Variants in KIAA1328 observed in about 807,000 individuals in gnomAD.
KIAA1328 encodes KIAA1328.
Under a neutral mutation model 68.1 loss-of-function variants are expected in KIAA1328, and 52 were observed. That is an observed-to-expected ratio of 0.76 (90% CI 0.61 to 0.96). KIAA1328 has a LOEUF of 0.96. Ranked by LOEUF, KIAA1328 falls within the 40% of genes least tolerant of loss-of-function variation. KIAA1328 has a pLI of 0.00. For synonymous variants in KIAA1328, 232 were observed against 239.4 expected (o/e 0.97, Z 0.28); for missense variants, 641 against 677.6 (o/e 0.95, Z 0.60).
intron 7 of KIAA1328, among the ~76,000 whole-genome samples, chr18:37,132,204 T>C (rs1297794125): frequency 6.6e-6 from 1 of 152,218 alleles, no homozygotes; most frequent in Non-Finnish European, 1.5e-5. Context: ...TATATACTCA[T>C]GGTCATATTG....
rs552241871 is a variant in KIAA1328 at position 37,042,680 on chromosome 18, C to A, written c.577-24210C>A. 5.3e-5 allele frequency among the ~76,000 whole-genome samples: 8 copies of A among 152,210 alleles called. No individual in the cohort carries two copies. In the East Asian group the frequency reaches 1.5e-3, roughly 29 times the overall value. On this transcript the variant is annotated intron_variant, in intron 6 of 9. Transcript: ENST00000280020. ...TTTGGAGAATTTCTCATTGTCTTAG[C>A]TTTAGATAGTTTGACCAGGACTTAT...
chr18:36,914,592 T>G lies in KIAA1328; in HGVS notation c.448+28920T>G, dbSNP rs957340731. 1.3e-4 allele frequency among the ~76,000 whole-genome samples: 20 copies of G among 151,188 alleles called. No individual in the cohort carries two copies. In the East Asian group the frequency reaches 2.7e-3, roughly 21 times the overall value. On this transcript the variant is annotated intron_variant, in intron 5 of 9. Transcript: ENST00000280020. ...AACATTAGCCAGGCGCAGTGGCGGG[T>G]GCCTGTAATCCCAGCTACTTGGGAG...
chr18:37,118,848 C>T lies in KIAA1328; in HGVS notation c.1233-41352C>T, dbSNP rs576977507. 1.1e-4 allele frequency among the ~76,000 whole-genome samples: 16 copies of T among 152,238 alleles called. No individual in the cohort carries two copies. The South Asian group carries it at 1.9e-3, about 18-fold the overall frequency. On this transcript the variant is annotated intron_variant, in intron 7 of 9. Transcript: ENST00000280020. ...TTCTTGGGCCTGTGAACCTTAACTA[C>T]GGAGGAAACAGCACCATATATTAGA...
chr18:37,139,057 C>T (rs958988793), intron 7 of KIAA1328, among the ~76,000 whole-genome samples: 23 of 147,506 alleles, frequency 1.6e-4, no homozygotes, highest in Non-Finnish European at 2.4e-4. Context: ...CCCGGGTTCA[C>T]GCCATTCTCC....
At chr18:37,003,497 AC>A (rs1353589232) in intron 6 of KIAA1328, among the ~76,000 whole-genome samples, 2 of 152,044 alleles carry the variant, frequency 1.3e-5, no homozygotes, top group Non-Finnish European at 2.9e-5. Context: ...CAGGAAAAAA[AC>A]TTGTATTAGA....
intron 9 of KIAA1328, among the ~76,000 whole-genome samples, chr18:37,174,380 C>CT (rs757197220): frequency 0.033 from 3,939 of 120,620 alleles, 199 homozygotes; most frequent in African/African-American, 0.072. Flanking sequence ...TGCTTTCTTC[C>CT]TTTTTTTTTT....
chr18:36,932,620 G>A (rs1409397021), intron 5 of KIAA1328, among the ~76,000 whole-genome samples: 1 of 152,184 alleles, frequency 6.6e-6, no homozygotes. Flanking sequence ...TAGCTCCATA[G>A]CATATGCAGA....
chr18:36,910,318 C>A (rs1260715656), intron 5 of KIAA1328, among the ~76,000 whole-genome samples: 2 of 152,102 alleles, frequency 1.3e-5, no homozygotes, highest in Non-Finnish European at 2.9e-5. Context: ...AGGAAGGGAT[C>A]CAGTTTCAGC....
chr18:36,836,858 G>A (rs922072949), intron 3 of KIAA1328, among the ~76,000 whole-genome samples: 3 of 152,048 alleles, frequency 2.0e-5, no homozygotes, highest in African/African-American at 7.2e-5. Flanking sequence ...GCTTGTTATT[G>A]ATGTTGCATA....
chr18:36,938,600 C>T (rs528494525), intron 5 of KIAA1328, among the ~76,000 whole-genome samples: 1 of 152,064 alleles, frequency 6.6e-6, no homozygotes, highest in African/African-American at 2.4e-5. Context: ...GATGTAATCC[C>T]ATTTGTCTAT....
chr18:37,068,392 T>G (rs761134564), intron 7 of KIAA1328, among the ~76,000 whole-genome samples: 12 of 152,232 alleles, frequency 7.9e-5, no homozygotes, highest in Non-Finnish European at 1.3e-4. Flanking sequence ...TGTTCTTCCC[T>G]TAACAATTCT....
At chr18:37,201,066 T>G (rs1342090919) in intron 9 of KIAA1328, among the ~76,000 whole-genome samples, 2 of 152,170 alleles carry the variant, frequency 1.3e-5, no homozygotes, top group Non-Finnish European at 2.9e-5. Flanking sequence ...GCACCCAAAA[T>G]CTAAATTGGG....
intron 4 of KIAA1328, among the ~76,000 whole-genome samples, chr18:36,873,326 A>G (rs1203394969): frequency 6.6e-6 from 1 of 152,224 alleles, no homozygotes; most frequent in Admixed American, 6.5e-5. Context: ...TAGTGTTGGT[A>G]AACATTGTGC....
At chr18:36,950,155 C>G (rs777353043) in intron 5 of KIAA1328, among the ~76,000 whole-genome samples, 2 of 152,010 alleles carry the variant, frequency 1.3e-5, no homozygotes, top group African/African-American at 4.8e-5. Context: ...AATGTGTACT[C>G]TTTTTTTCAA....
At chr18:36,967,937 A>G (rs1044250192) in intron 6 of KIAA1328, among the ~76,000 whole-genome samples, 1 of 152,248 alleles carries the variant, frequency 6.6e-6, no homozygotes, top group Admixed American at 6.5e-5. Context: ...AGGATTACGT[A>G]AAGAGACCAA....
chr18:37,067,406 G>C lies in KIAA1328; in HGVS notation c.1093G>C (p.Asp365His). The change falls in exon 7 of 10, where the codon GAT (aspartate) becomes CAT (histidine). Residue 365 changes from aspartate (D) to histidine (H), a missense_variant. Transcript: ENST00000280020. ...IETLKKQISE[D>H]RKQQLMLQKM... ...AACTTTGAAAAAGCAGATCTCAGAAGATAGAAAGCAGCAACTGATGCTTCA... is the reference window on the plus strand; with the variant it reads ...AACTTTGAAAAAGCAGATCTCAGAACATAGAAAGCAGCAACTGATGCTTCA... 1 of 1,611,714 alleles carries C rather than the reference G, an allele frequency of 6.2e-7. No homozygotes were observed. Among genetic ancestry groups the C allele is most frequent in the Non-Finnish European group, 8.5e-7 (1 of 1,178,788 alleles).
intron 4 of KIAA1328, among the ~76,000 whole-genome samples, chr18:36,846,412 TA>T (rs892970275): frequency 1.3e-5 from 2 of 151,674 alleles, no homozygotes; most frequent in African/African-American, 2.4e-5. Flanking sequence ...TGTTGCATTT[TA>T]TTTTTTTATC....
intron 6 of KIAA1328, among the ~76,000 whole-genome samples, chr18:37,003,503 A>G (rs2053665826): frequency 6.6e-6 from 1 of 152,094 alleles, no homozygotes; most frequent in African/African-American, 2.4e-5. Context: ...AAAAACTTGT[A>G]TTAGAAAGTG....
chr18:36,938,876 T>C (rs1253996408), intron 5 of KIAA1328, among the ~76,000 whole-genome samples: 1 of 152,204 alleles, frequency 6.6e-6, no homozygotes, highest in Non-Finnish European at 1.5e-5. Flanking sequence ...GCACCTTTGC[T>C]GAAAATCAGT....
Sources: allele counts gnomAD v4.1 joint callset (sites outside exome capture counted in the v4.1 genomes callset), GRCh38; gene constraint gnomAD v4.1.1; transcripts MANE v1.5; gene names NCBI Gene and HGNC (gene_info 2026-07-23, HGNC 2026-07-21).